Variants in HHAT observed in about 807,000 individuals in gnomAD.
HHAT encodes hedgehog acyltransferase.
A neutral mutation model predicts 70.8 loss-of-function variants in HHAT; 47 were observed. That is an observed-to-expected ratio of 0.66 (90% CI 0.53 to 0.85). The LOEUF is 0.85. HHAT is among the 40% of genes least tolerant of loss of function. The probability of loss-of-function intolerance (pLI) is 0.00; values close to 1 mark genes in which losing one functional copy is unlikely to be tolerated. For synonymous variants in HHAT, 228 were observed against 247.6 expected (o/e 0.92, Z 0.74); for missense variants, 609 against 604.8 (o/e 1.01, Z -0.07).
intron 7 of HHAT, among the ~76,000 whole-genome samples, chr1:210,421,279 A>G (rs371136693): frequency 6.2e-4 from 95 of 152,202 alleles, no homozygotes; most frequent in African/African-American, 2.3e-3. Context: ...ACTGGCATAA[A>G]AACAGGCACA....
intron 3 of HHAT, among the ~76,000 whole-genome samples, chr1:210,384,035 G>C (rs534946616): frequency 2.0e-5 from 3 of 152,164 alleles, no homozygotes; most frequent in African/African-American, 7.2e-5. Context: ...GGTGCCTAGA[G>C]CAGAACTCTG....
intron 4 of HHAT, among the ~76,000 whole-genome samples, chr1:210,392,839 T>C (rs575086918): frequency 4.3e-4 from 66 of 152,306 alleles, no homozygotes; most frequent in African/African-American, 1.5e-3. Context: ...AATGCATGAC[T>C]GATATTAATA....
chr1:210,330,741 C>G (rs190352526), intron 1 of HHAT, among the ~76,000 whole-genome samples: 21 of 152,236 alleles, frequency 1.4e-4, no homozygotes, highest in African/African-American at 4.8e-4. Context: ...CACCAAGGAC[C>G]GGTTTCATGG....
At chr1:210,618,795 A>G (rs1368509633) in intron 10 of HHAT, among the ~76,000 whole-genome samples, 1 of 152,182 alleles carries the variant, frequency 6.6e-6, no homozygotes, top group East Asian at 1.9e-4. Flanking sequence ...ATTTCCAGGG[A>G]AAGGATGCTG....
At chr1:210,669,458 TCTAC>T (rs1207925790) in intron 11 of HHAT, among the ~76,000 whole-genome samples, 1 of 152,204 alleles carries the variant, frequency 6.6e-6, no homozygotes, top group Admixed American at 6.5e-5. Context: ...TCCTATTAAC[TCTAC>T]CTATTATGCC....
intron 8 of HHAT, among the ~76,000 whole-genome samples, chr1:210,488,764 A>G (rs2094509280): frequency 6.6e-6 from 1 of 151,752 alleles, no homozygotes; most frequent in East Asian, 1.9e-4. Flanking sequence ...TTGGTGGTAC[A>G]CACCTGTAGT....
At chr1:210,576,222 T>G (rs139645405) in intron 9 of HHAT, among the ~76,000 whole-genome samples, 1 of 152,256 alleles carries the variant, frequency 6.6e-6, no homozygotes, top group South Asian at 2.1e-4. Flanking sequence ...TGTCTTCAAA[T>G]GCTGATGAAA....
chr1:210,374,256 A>AG (rs1553332986), intron 3 of HHAT: 1 of 130,130 alleles, frequency 7.7e-6, no homozygotes, highest in African/African-American at 3.3e-5. Context: ...CGATCTGAAG[A>AG]GAAACCAGTG....
intron 9 of HHAT, among the ~76,000 whole-genome samples, chr1:210,540,610 A>C (rs2095420803): frequency 6.7e-6 from 1 of 149,738 alleles, no homozygotes; most frequent in Non-Finnish European, 1.5e-5. Flanking sequence ...CACTATGTGT[A>C]TGTTTGCTTC....
At chr1:210,363,179 C>T (rs1488179265) in intron 3 of HHAT, among the ~76,000 whole-genome samples, 1 of 152,150 alleles carries the variant, frequency 6.6e-6, no homozygotes, top group Non-Finnish European at 1.5e-5. Flanking sequence ...TTTTGTAAAG[C>T]TCAGAAACTT....
chr1:210,460,126 G>GGGTA (rs1468378455), intron 7 of HHAT, among the ~76,000 whole-genome samples: 1 of 152,140 alleles, frequency 6.6e-6, no homozygotes. Context: ...GCATTCCAAG[G>GGGTA]GGTAGGAAGT....
intron 9 of HHAT, among the ~76,000 whole-genome samples, chr1:210,579,812 G>T (rs1340342636): frequency 6.6e-6 from 1 of 152,106 alleles, no homozygotes; most frequent in Non-Finnish European, 1.5e-5. Context: ...GACTCTCTCA[G>T]CCTCTCTTTC....
intron 8 of HHAT, among the ~76,000 whole-genome samples, chr1:210,478,749 A>G (rs1009323263): frequency 6.6e-6 from 1 of 152,160 alleles, no homozygotes; most frequent in Non-Finnish European, 1.5e-5. Flanking sequence ...CAAGAAATCT[A>G]TGCAGGCTGT....
intron 6 of HHAT, among the ~76,000 whole-genome samples, chr1:210,405,780 AAATTGATAT>A (rs1464647010): frequency 6.6e-6 from 1 of 152,242 alleles, no homozygotes; most frequent in Non-Finnish European, 1.5e-5. Flanking sequence ...TCTGTAAGTG[AAATTGATAT>A]TCTAGACAGA....
intron 8 of HHAT, among the ~76,000 whole-genome samples, chr1:210,491,491 C>T (rs1366411726): frequency 2.0e-5 from 3 of 152,102 alleles, no homozygotes; most frequent in Admixed American, 1.3e-4. Flanking sequence ...TACTTACCAG[C>T]GGAGAACCCT....
At chr1:210,497,962 G>A (rs778902414) in intron 8 of HHAT, among the ~76,000 whole-genome samples, 1 of 151,836 alleles carries the variant, frequency 6.6e-6, no homozygotes, top group Admixed American at 6.6e-5. Flanking sequence ...GGCTAATGTT[G>A]GCCAGGATGG....
intron 1 of HHAT, among the ~76,000 whole-genome samples, chr1:210,336,589 G>A (rs1334393397): frequency 9.2e-5 from 14 of 151,978 alleles, no homozygotes; most frequent in Non-Finnish European, 1.8e-4. Context: ...TTTGAGATCA[G>A]CCTGGCCAAC....
intron 5 of HHAT, among the ~76,000 whole-genome samples, chr1:210,402,379 G>A (rs1265074521): frequency 6.6e-6 from 1 of 152,156 alleles, no homozygotes; most frequent in African/African-American, 2.4e-5. Flanking sequence ...CAACTGGCAG[G>A]AGCTGTTTTT....
At position 210,408,429 on chromosome 1, in the gene HHAT, C is replaced by T. The variant is rs189748193; in HGVS notation, c.684+3750C>T. ...AACTCCCGACCTCAGGTGATCCGCC[C>T]GCCTCGGCCTCCTAAAGTGCTGGGG... On this transcript the variant is annotated intron_variant, in intron 6 of 11. Transcript: ENST00000261458. Among the ~76,000 whole-genome samples, 137 of 152,272 alleles carry T rather than the reference C, an allele frequency of 9.0e-4. 1 individual carries two copies. The East Asian group carries it at 0.016, about 18-fold the overall frequency.
Sources: gnomAD v4.1 joint callset for allele counts (sites outside exome capture counted in the v4.1 genomes callset) on GRCh38, gnomAD v4.1.1 for gene constraint, MANE v1.5 for transcripts, NCBI Gene and HGNC (gene_info 2026-07-23, HGNC 2026-07-21) for gene names.